Variants in RBMS3 observed in about 807,000 individuals in gnomAD.
The protein encoded by RBMS3 is RNA binding motif single stranded interacting protein 3.
In RBMS3, 27 loss-of-function variants were observed where a neutral mutation model predicts 66.8. That is an observed-to-expected ratio of 0.40 (90% CI 0.30 to 0.56). The LOEUF is 0.56. Among genes scored for constraint, RBMS3 ranks in the 20% least tolerant of loss-of-function variants. The pLI is 0.40. For synonymous variants in RBMS3, 188 were observed against 183.0 expected (o/e 1.03, Z -0.22); for missense variants, 513 against 549.5 (o/e 0.93, Z 0.66).
chr3:29,557,518 T>C (rs1057260930), intron 3 of RBMS3, among the ~76,000 whole-genome samples: 3 of 152,200 alleles, frequency 2.0e-5, no homozygotes, highest in Non-Finnish European at 4.4e-5. Flanking sequence ...GAGCATTTGC[T>C]TGGAACGAAG....
At chr3:29,384,030 A>C (rs1311221742) in intron 1 of RBMS3, among the ~76,000 whole-genome samples, 3 of 152,184 alleles carry the variant, frequency 2.0e-5, no homozygotes, top group Non-Finnish European at 4.4e-5. Flanking sequence ...TTATAATGGA[A>C]GAGAGCTGGG....
Position 29,612,436 on chromosome 3 carries a change from C to G in RBMS3, c.399+25231C>G, listed in dbSNP as rs540737099. On this transcript the variant is annotated intron_variant, in intron 4 of 14. Coordinates refer to ENST00000383767, the MANE Select transcript of RBMS3 (RefSeq NM_001003793.3). ...ATGAATATCAATTTTTCCCAATCCTCTGCTTCATGTGAAATGTTTTAGTAG... is the reference window on the plus strand; with the variant it reads ...ATGAATATCAATTTTTCCCAATCCTGTGCTTCATGTGAAATGTTTTAGTAG... Among the ~76,000 whole-genome samples the G allele has an allele frequency of 5.3e-5, 8 of 152,146 alleles. No homozygotes were observed. In the East Asian group the frequency reaches 1.5e-3, roughly 29 times the overall value.
intron 4 of RBMS3, among the ~76,000 whole-genome samples, chr3:29,590,252 A>G (rs961598663): frequency 9.2e-5 from 14 of 152,102 alleles, no homozygotes; most frequent in African/African-American, 3.4e-4. Flanking sequence ...AAGTTACTTA[A>G]ATATCTCTGA....
intron 6 of RBMS3, among the ~76,000 whole-genome samples, chr3:29,809,580 G>A (rs2057667672): frequency 6.6e-6 from 1 of 151,842 alleles, no homozygotes; most frequent in African/African-American, 2.4e-5. Flanking sequence ...TCATATATTT[G>A]ATTGATAAAT....
chr3:29,750,790 A>G (rs1044778616), intron 5 of RBMS3, among the ~76,000 whole-genome samples: 3 of 152,126 alleles, frequency 2.0e-5, no homozygotes, highest in African/African-American at 4.8e-5. Context: ...AATGCTTCCT[A>G]TATGATTTTA....
At chr3:29,320,782 G>A (rs747093510) in intron 1 of RBMS3, among the ~76,000 whole-genome samples, 2 of 151,858 alleles carry the variant, frequency 1.3e-5, no homozygotes, top group African/African-American at 2.4e-5. Flanking sequence ...GAAGTGGAGG[G>A]CTATTAAGAG....
chr3:29,706,883 T>C (rs2052920923), intron 4 of RBMS3, among the ~76,000 whole-genome samples: 1 of 152,218 alleles, frequency 6.6e-6, no homozygotes, highest in Admixed American at 6.5e-5. Flanking sequence ...GCATCCATTT[T>C]CTTGGAGTGG....
At chr3:29,750,524 T>C (rs2055126776) in intron 5 of RBMS3, among the ~76,000 whole-genome samples, 1 of 152,212 alleles carries the variant, frequency 6.6e-6, no homozygotes, top group Non-Finnish European at 1.5e-5. Context: ...TGTTAATACA[T>C]GTATACTAAT....
intron 3 of RBMS3, among the ~76,000 whole-genome samples, chr3:29,586,433 G>A (rs1275991990): frequency 6.6e-6 from 1 of 151,928 alleles, no homozygotes; most frequent in Non-Finnish European, 1.5e-5. Context: ...AAGCAACATA[G>A]TATTTCTTAT....
chr3:29,587,235 T>TTTTTTTTTG (rs1553626528), intron 4 of RBMS3, 30 bp downstream of exon 4: 6 of 750,114 alleles, frequency 8.0e-6, no homozygotes, highest in Non-Finnish European at 1.8e-6. Flanking sequence ...GTGTTTTTTT[T>TTTTTTTTTG]TTTTTTTTTT....
chr3:29,853,862 C>T (rs1389582160), intron 6 of RBMS3, among the ~76,000 whole-genome samples: 1 of 152,082 alleles, frequency 6.6e-6, no homozygotes, highest in Admixed American at 6.5e-5. Flanking sequence ...CTGAAACCTG[C>T]CCCTACTTGC....
At chr3:29,889,823 A>T (rs1356300739) in intron 8 of RBMS3, among the ~76,000 whole-genome samples, 1 of 151,638 alleles carries the variant, frequency 6.6e-6, no homozygotes, top group Non-Finnish European at 1.5e-5. Flanking sequence ...AATGTGACAG[A>T]TGACATCTGC....
chr3:29,373,151 A>T (rs1406651958), intron 1 of RBMS3, among the ~76,000 whole-genome samples: 1 of 152,136 alleles, frequency 6.6e-6, no homozygotes. Context: ...GGCCACATGC[A>T]TGTGGTGGTG....
At chr3:29,459,828 A>G (rs1281559129) in intron 2 of RBMS3, among the ~76,000 whole-genome samples, 1 of 152,220 alleles carries the variant, frequency 6.6e-6, no homozygotes, top group Non-Finnish European at 1.5e-5. Flanking sequence ...GCAATTTGCT[A>G]ACATGAAGCA....
intron 4 of RBMS3, among the ~76,000 whole-genome samples, chr3:29,715,487 C>A (rs2149312973): frequency 6.6e-6 from 1 of 152,150 alleles, no homozygotes; most frequent in African/African-American, 2.4e-5. Context: ...TCAATTTAAG[C>A]CAAGCAGATT....
At chr3:29,839,437 C>CCTT (rs2058609615) in intron 6 of RBMS3, among the ~76,000 whole-genome samples, 1 of 151,994 alleles carries the variant, frequency 6.6e-6, no homozygotes, top group Non-Finnish European at 1.5e-5. Flanking sequence ...AAGGAGACCC[C>CCTT]CTTCTTTTTA....
At chr3:29,891,163 T>G (rs763986709) in intron 8 of RBMS3, among the ~76,000 whole-genome samples, 10 of 151,572 alleles carry the variant, frequency 6.6e-5, no homozygotes, top group Non-Finnish European at 1.5e-4. Flanking sequence ...TCTCATAACC[T>G]TCACATTAAT....
At chr3:29,962,484 T>C (rs1384679835) in intron 12 of RBMS3, among the ~76,000 whole-genome samples, 1 of 151,000 alleles carries the variant, frequency 6.6e-6, no homozygotes, top group Non-Finnish European at 1.5e-5. Flanking sequence ...AATCCTAGTG[T>C]TTCTACATGG....
chr3:29,657,331 G>T (rs1052267391), intron 4 of RBMS3, among the ~76,000 whole-genome samples: 1 of 152,146 alleles, frequency 6.6e-6, no homozygotes, highest in African/African-American at 2.4e-5. Flanking sequence ...CTAGCTTCTC[G>T]ATTTTCATTA....
Sources: gnomAD v4.1 joint callset for allele counts (sites outside exome capture counted in the v4.1 genomes callset) on GRCh38, gnomAD v4.1.1 for gene constraint, MANE v1.5 for transcripts, NCBI Gene and HGNC (gene_info 2026-07-23, HGNC 2026-07-21) for gene names.